The following TRPM2 variants were observed in gnomAD, a reference collection of about 807,000 sequenced individuals.
TRPM2 encodes estrogen-responsive element-associated gene 1 protein.
In TRPM2, 161 loss-of-function variants were observed where a neutral mutation model predicts 174.0. The ratio of observed to expected loss-of-function variants is 0.93; its 90% CI spans 0.81 to 1.05. The LOEUF (loss-of-function observed/expected upper bound fraction) is 1.05. Among genes scored for constraint, TRPM2 ranks in the 50% least tolerant of loss-of-function variants. The pLI, the probability that TRPM2 is intolerant of heterozygous loss-of-function variation, is 0.00. For synonymous variants in TRPM2, 954 were observed against 861.3 expected, an observed-to-expected ratio of 1.11 and a Z score of -1.88; for missense variants, 2,057 against 2,038.0, an observed-to-expected ratio of 1.01 and a Z score of -0.18.
Position 44,391,225 on chromosome 21 carries a change from G to T in TRPM2, c.1441-47G>T. On this transcript the variant is annotated intron_variant, in intron 10 of 31. Transcript: ENST00000397928. The surrounding 1 kb of genome is among the most constrained non-coding windows in gnomAD (Gnocchi z 5.0). ...AGGGTCTTTGAGATCAGGATGACAT[G>T]GGGTGATGACCAAATGCAACCGTCA... The T allele has an allele frequency of 1.3e-6, 2 of 1,569,488 alleles. No homozygotes were observed. Among genetic ancestry groups the T allele is most frequent in the South Asian group, 2.3e-5 (2 of 85,368 alleles).
At position 44,373,140 on chromosome 21, in the gene TRPM2, A is replaced by G. The variant is rs113960397; in HGVS notation, c.772-2693A>G. On this transcript the variant is annotated intron_variant, in intron 5 of 31. Coordinates refer to ENST00000397928, the MANE Select transcript of TRPM2 (RefSeq NM_003307.4). ...TGCAGTCTCCTTGCCTGGTCTCTTC[A>G]TCACTAGCAGGAGGTTGTTTAGACA... Among the ~76,000 whole-genome samples the G allele has an allele frequency of 9.5e-3, 1,444 of 151,640 alleles. 23 individuals are homozygous for G. Among genetic ancestry groups the G allele is most frequent in the African/African-American group, 0.033 (1,361 of 41,344 alleles).
In TRPM2 at chr21:44,376,327, C is replaced by T. The variant is rs1290651132; in HGVS notation, c.952+314C>T. 1.3e-5 allele frequency among the ~76,000 whole-genome samples: 2 copies of T among 152,220 alleles called. No homozygotes were observed. Among genetic ancestry groups the T allele is most frequent in the African/African-American group, 4.8e-5 (2 of 41,466 alleles). ...TACTTTGTTCCAGGAGGGTCATCTT[C>T]TCTTGCCCATTTTAGCCAGTGGGAG... On this transcript the variant is annotated intron_variant, in intron 6 of 31. Transcript: ENST00000397928. The surrounding 1 kb of genome is among the most constrained non-coding windows in gnomAD (Gnocchi z 4.2).
intron 15 of TRPM2, among the ~76,000 whole-genome samples, chr21:44,401,385 T>C (rs2049611085): frequency 6.6e-6 from 1 of 152,120 alleles, no homozygotes; most frequent in African/African-American, 2.4e-5. Context: ...TGGGCCTCCC[T>C]GTTTGCAGCC....
At chr21:44,396,912 G>C (rs1176051946) in intron 12 of TRPM2, among the ~76,000 whole-genome samples, 45 of 121,650 alleles carry the variant, frequency 3.7e-4, no homozygotes, top group Middle Eastern at 9.5e-3. Flanking sequence ...GTGTGGAGGG[G>C]TGTGGAGGGG....
At chr21:44,400,041 A>G (rs763895964) in intron 14 of TRPM2, among the ~76,000 whole-genome samples, 64 of 152,328 alleles carry the variant, frequency 4.2e-4, no homozygotes, top group Non-Finnish European at 8.1e-4. Flanking sequence ...GGGCCTTCGA[A>G]GCCAGCAGAG....
chr21:44,358,154 G>A (rs2048110962), intron 2 of TRPM2, among the ~76,000 whole-genome samples: 1 of 152,192 alleles, frequency 6.6e-6, no homozygotes, highest in Non-Finnish European at 1.5e-5. Context: ...TTAGCCCCAC[G>A]TCCTGGTAAC....
chr21:44,375,991 G>A lies in TRPM2; in HGVS notation c.930G>A (p.Ser310=), dbSNP rs36007753. 142 of 1,613,686 alleles carry A rather than the reference G, an allele frequency of 8.8e-5. No homozygotes were observed. Among genetic ancestry groups the A allele is most frequent in the South Asian group, 9.9e-5 (9 of 91,084 alleles). ...GGACCAGGCTGGAGAAGTTCATATC[G>A]GAGCAGACCAAGGAAAGAGGAGGTA... ...PLRTRLEKFI[S]EQTKERGGVA... is the part of the protein sequence containing the mutation. Residue 310 remains serine (S), a synonymous_variant, in exon 6 of 32, where the codon TCG becomes TCA. Transcript: ENST00000397928.
In TRPM2 at chr21:44,354,861, T is replaced by C. The variant is rs952037042; in HGVS notation, c.254+125T>C. 2 of 825,738 alleles carry C rather than the reference T, an allele frequency of 2.4e-6. No homozygotes were observed. The highest frequency in any genetic ancestry group is 4.1e-6 in the Non-Finnish European group (2 of 487,980). 51.2% of individuals were successfully genotyped at this position (825,738 alleles called of 1,614,324 possible). ...GTCACTGGAGATACCTCTGTCTCCATACGAGGCTTAGAGTCCACAGAGCAT... is the reference window on the plus strand; with the variant it reads ...GTCACTGGAGATACCTCTGTCTCCACACGAGGCTTAGAGTCCACAGAGCAT... On this transcript the variant is annotated intron_variant, in intron 2 of 31. Transcript: ENST00000397928. This position sits in a 1 kb window ranked among gnomAD's most constrained non-coding sequence, Gnocchi z 4.3.
intron 16 of TRPM2, among the ~76,000 whole-genome samples, chr21:44,403,786 T>C (rs116145267): frequency 0.016 from 2,335 of 147,042 alleles, 63 homozygotes; most frequent in African/African-American, 0.057. Context: ...CATGCACACA[T>C]ACAAATATAC....
chr21:44,404,507 G>A (rs73375978), intron 16 of TRPM2, among the ~76,000 whole-genome samples: 5,235 of 152,290 alleles, frequency 0.034, 256 homozygotes, highest in African/African-American at 0.1. Context: ...TGCTGCCAGC[G>A]CTATTCTGCA....
chr21:44,379,638 G>A (rs371077491), intron 8 of TRPM2, among the ~76,000 whole-genome samples: 1 of 152,326 alleles, frequency 6.6e-6, no homozygotes, highest in East Asian at 1.9e-4. Context: ...GCCTCAGGAG[G>A]GGCCATTGCC....
chr21:44,421,976 C>T (rs991595100), intron 22 of TRPM2, among the ~76,000 whole-genome samples: 4 of 152,176 alleles, frequency 2.6e-5, no homozygotes, highest in Admixed American at 6.5e-5. Context: ...AACGTGTTTC[C>T]GCTGGGCCGC....
chr21:44,391,120 C>T lies in TRPM2; in HGVS notation c.1440+95C>T. On this transcript the variant is annotated intron_variant, in intron 10 of 31. Coordinates refer to ENST00000397928, the MANE Select transcript of TRPM2 (RefSeq NM_003307.4). This position sits in a 1 kb window ranked among gnomAD's most constrained non-coding sequence, Gnocchi z 5.0. ...CAGGCAAAGTTCGCATTGTCTGGAT[C>T]CCAGCCCTTCCCTTGAGGGTGGGTG... The T allele has an allele frequency of 1.3e-6, 2 of 1,579,994 alleles. No homozygotes were observed. Among genetic ancestry groups the T allele is most frequent in the South Asian group, 2.3e-5 (2 of 86,774 alleles).
intron 22 of TRPM2, among the ~76,000 whole-genome samples, chr21:44,420,660 G>T (rs2050516551): frequency 6.6e-6 from 1 of 152,240 alleles, no homozygotes; most frequent in South Asian, 2.1e-4. Context: ...TTGAGCAGTG[G>T]CCATGCCCAG....
At position 44,353,688 on chromosome 21, in the gene TRPM2, TG is replaced by T; in HGVS notation, c.-8del. The T allele has an allele frequency of 6.7e-7, 1 of 1,482,814 alleles. No homozygotes were observed. The highest frequency in any genetic ancestry group is 8.9e-7 in the Non-Finnish European group (1 of 1,119,326). 91.9% of individuals were successfully genotyped at this position (1,482,814 alleles called of 1,614,324 possible). ...GCAGCAGGCCTGGTTGCAGCTGGCG[TG>T]GGGGTCTCAGAATGGAGCCCTCAGC... On this transcript the variant is annotated 5_prime_UTR_variant, in exon 1 of 32. Coordinates refer to ENST00000397928, the MANE Select transcript of TRPM2 (RefSeq NM_003307.4).
Position 44,440,820 on chromosome 21 carries a change from A to G in TRPM2, c.4301A>G (p.Asn1434Ser), listed in dbSNP as rs2051473002. The G allele has an allele frequency of 1.2e-6, 2 of 1,613,708 alleles. No homozygotes were observed. Among genetic ancestry groups the G allele is most frequent in the Admixed American group, 3.3e-5 (2 of 60,000 alleles). The change falls in exon 31 of 32, where the codon AAC (asparagine) becomes AGC (serine). Residue 1434 changes from asparagine (N) to serine (S), a missense_variant. Transcript: ENST00000397928. Reference sequence around the variant, plus strand: ...AAAGGCTACATGGATGACCCGAGGAACACGGACAATGCCTGGATCGAGACG... The same window carrying G: ...AAAGGCTACATGGATGACCCGAGGAGCACGGACAATGCCTGGATCGAGACG... ...VYKGYMDDPR[N>S]TDNAWIETVA...
chr21:44,362,519 AAAAAAAAAGAAAG>A (rs1208885540), intron 2 of TRPM2, among the ~76,000 whole-genome samples: 1 of 151,954 alleles, frequency 6.6e-6, no homozygotes, highest in East Asian at 1.9e-4. Context: ...TTTCAAGAAA[AAAAAAAAAGAAAG>A]AAAGAAAACC....
chr21:44,403,098 G>C (rs1350588792), intron 16 of TRPM2, among the ~76,000 whole-genome samples: 2 of 152,144 alleles, frequency 1.3e-5, no homozygotes, highest in African/African-American at 4.8e-5. Context: ...TTGCCACAGG[G>C]CTTCTGCCAC....
chr21:44,392,812 T>C (rs2049224588), intron 11 of TRPM2, among the ~76,000 whole-genome samples: 1 of 152,166 alleles, frequency 6.6e-6, no homozygotes, highest in Admixed American at 6.5e-5. Flanking sequence ...GCCCCACTGC[T>C]GCCCACTGTG....
Sources: allele counts gnomAD v4.1 joint callset (sites outside exome capture counted in the v4.1 genomes callset), GRCh38; gene constraint gnomAD v4.1.1; non-coding constraint Gnocchi (gnomAD v3.1); transcripts MANE v1.5; gene names NCBI Gene and HGNC (gene_info 2026-07-23, HGNC 2026-07-21).